Variants in ULK4 observed in about 807,000 individuals in gnomAD.
ULK4 encodes inactive serine/threonine-protein kinase ULK4.
A neutral mutation model predicts 160.6 loss-of-function variants in ULK4; 133 were observed. The ratio of observed to expected loss-of-function variants is 0.83; its 90% CI spans 0.72 to 0.96. ULK4 has a LOEUF of 0.96. ULK4 is among the 40% of genes least tolerant of loss of function. The probability of loss-of-function intolerance (pLI) is 0.00; values close to 1 mark genes in which losing one functional copy is unlikely to be tolerated. For missense variants in ULK4, 1,580 were observed against 1,499.5 expected (o/e 1.05, Z -0.89); for synonymous variants, 534 against 539.8 (o/e 0.99, Z 0.15).
chr3:41,582,994 T>C (rs903405106), intron 31 of ULK4, among the ~76,000 whole-genome samples: 4 of 152,240 alleles, frequency 2.6e-5, no homozygotes, highest in African/African-American at 9.6e-5. Flanking sequence ...TCTTAGGTAA[T>C]GATATTTATG....
At chr3:41,835,775 T>G in intron 18 of ULK4, 89 bp downstream of exon 18, 2 of 990,876 alleles carry the variant, frequency 2.0e-6, no homozygotes, top group Non-Finnish European at 3.0e-6. Flanking sequence ...AGGCGCAAAA[T>G]CAAAAAACTT....
intron 22 of ULK4, among the ~76,000 whole-genome samples, chr3:41,752,266 T>A (rs1390460647): frequency 6.6e-6 from 1 of 152,222 alleles, no homozygotes; most frequent in Non-Finnish European, 1.5e-5. Context: ...GAAGCTATAT[T>A]AGTTGTTCCA....
At chr3:41,771,222 A>C (rs989603819) in intron 21 of ULK4, among the ~76,000 whole-genome samples, 1 of 152,190 alleles carries the variant, frequency 6.6e-6, no homozygotes, top group African/African-American at 2.4e-5. Context: ...ATTTCCATTA[A>C]AATATGTGGT....
chr3:41,840,428 T>C (rs952978035), intron 17 of ULK4, among the ~76,000 whole-genome samples: 2 of 152,236 alleles, frequency 1.3e-5, no homozygotes, highest in African/African-American at 4.8e-5. Flanking sequence ...GAGGCTGGAC[T>C]GTACTGCCGT....
chr3:41,375,115 T>C (rs575080177), intron 35 of ULK4, among the ~76,000 whole-genome samples: 184 of 152,256 alleles, frequency 1.2e-3, no homozygotes, highest in African/African-American at 4.2e-3. Flanking sequence ...TACAAACCAC[T>C]GCTCGACGAA....
chr3:41,610,173 G>A (rs891892135), intron 31 of ULK4, among the ~76,000 whole-genome samples: 6 of 151,400 alleles, frequency 4.0e-5, no homozygotes, highest in African/African-American at 9.7e-5. Flanking sequence ...ACACCACCAC[G>A]CCTGGCTAAT....
intron 30 of ULK4, among the ~76,000 whole-genome samples, chr3:41,618,722 T>G (rs965977193): frequency 3.3e-5 from 5 of 151,978 alleles, no homozygotes; most frequent in African/African-American, 1.2e-4. Flanking sequence ...TCAACTAATA[T>G]GCAAAATAAC....
chr3:41,453,746 A>G (rs74797798), intron 34 of ULK4, among the ~76,000 whole-genome samples: 5,956 of 152,150 alleles, frequency 0.039, 401 homozygotes, highest in African/African-American at 0.14. Flanking sequence ...GTTATTGTTC[A>G]CTTTATTTCT....
At chr3:41,424,175 G>A (rs1338422285) in intron 34 of ULK4, among the ~76,000 whole-genome samples, 1 of 152,074 alleles carries the variant, frequency 6.6e-6, no homozygotes, top group Non-Finnish European at 1.5e-5. Flanking sequence ...GTGGCATATA[G>A]TGGCCAGATT....
chr3:41,319,065 T>TACG (rs1339032452), intron 35 of ULK4, among the ~76,000 whole-genome samples: 1 of 152,218 alleles, frequency 6.6e-6, no homozygotes, highest in Non-Finnish European at 1.5e-5. Context: ...TGAGTTTAGG[T>TACG]ATTTCTTGCA....
chr3:41,343,152 T>C (rs1331814185), intron 35 of ULK4, among the ~76,000 whole-genome samples: 3 of 152,024 alleles, frequency 2.0e-5, no homozygotes, highest in Admixed American at 6.5e-5. Context: ...CTATTCAAGA[T>C]AGTATTAGAA....
chr3:41,826,060 A>C (rs2041336308), intron 18 of ULK4, among the ~76,000 whole-genome samples: 1 of 152,208 alleles, frequency 6.6e-6, no homozygotes, highest in Non-Finnish European at 1.5e-5. Flanking sequence ...AGCCAAACTA[A>C]GCTTCGTAAG....
At chr3:41,579,480 C>T (rs1366947632) in intron 31 of ULK4, among the ~76,000 whole-genome samples, 1 of 132,784 alleles carries the variant, frequency 7.5e-6, no homozygotes, top group African/African-American at 2.8e-5. Flanking sequence ...CAATCTGGAA[C>T]TAATATTTTT....
chr3:41,488,619 G>A (rs191422955), intron 32 of ULK4, among the ~76,000 whole-genome samples: 1 of 152,262 alleles, frequency 6.6e-6, no homozygotes, highest in African/African-American at 2.4e-5. Context: ...TTTAAATTGT[G>A]GCCTGAAACT....
intron 31 of ULK4, among the ~76,000 whole-genome samples, chr3:41,567,538 C>T (rs1237357590): frequency 1.3e-5 from 2 of 149,310 alleles, no homozygotes; most frequent in Non-Finnish European, 3.0e-5. Flanking sequence ...CCTCCACCTC[C>T]TGGGTTCAAG....
intron 35 of ULK4, among the ~76,000 whole-genome samples, chr3:41,359,185 C>A (rs891388998): frequency 5.9e-5 from 9 of 152,112 alleles, no homozygotes; most frequent in Non-Finnish European, 1.3e-4. Context: ...AGGAACAGGC[C>A]TGGGGAGGCC....
At position 41,949,733 on chromosome 3, in the gene ULK4, CT is replaced by C. The variant is rs201654761; in HGVS notation, c.138+4888del. ...TACAAGTGTGAGCCACCACACCTGC[CT>C]TTTTTTTTTTCTTTCTTTTTTTTTG... is the stretch of plus-strand genomic sequence containing the variant. On this transcript the variant is annotated intron_variant, in intron 2 of 36. Transcript: ENST00000301831. Among the ~76,000 whole-genome samples the C allele has an allele frequency of 9.0e-3, 1,315 of 145,622 alleles. 47 individuals carry two copies. In the East Asian group the frequency reaches 0.13, roughly 14 times the overall value.
At chr3:41,290,157 G>C (rs901484967) in intron 35 of ULK4, among the ~76,000 whole-genome samples, 2 of 152,136 alleles carry the variant, frequency 1.3e-5, no homozygotes, top group African/African-American at 4.8e-5. Context: ...TTACAGGCGT[G>C]AGCCACCATG....
chr3:41,570,082 G>A (rs1325616448), intron 31 of ULK4, among the ~76,000 whole-genome samples: 2 of 152,242 alleles, frequency 1.3e-5, no homozygotes, highest in East Asian at 1.9e-4. Context: ...GATTGGACAC[G>A]TGGTTTCCAA....
Sources: gnomAD v4.1 joint callset for allele counts (sites outside exome capture counted in the v4.1 genomes callset) on GRCh38, gnomAD v4.1.1 for gene constraint, MANE v1.5 for transcripts, NCBI Gene and HGNC (gene_info 2026-07-23, HGNC 2026-07-21) for gene names.